Variants in NFE2L3 observed in about 807,000 individuals in gnomAD.
NFE2L3 encodes nuclear factor erythroid 2-related factor 3.
NFE2L3 carries 18 observed loss-of-function variants against 23.5 expected under a neutral mutation model. The ratio of observed to expected loss-of-function variants is 0.77; its 90% confidence interval spans 0.53 to 1.13. The LOEUF is 1.13. NFE2L3 is among the 50% of genes most tolerant of loss of function. The pLI, the probability that NFE2L3 is intolerant of heterozygous loss-of-function variation, is 0.00. For synonymous variants in NFE2L3, 424 were observed against 354.5 expected, an observed-to-expected ratio of 1.20 and a Z score of -2.20; for missense variants, 1,152 against 877.2, an observed-to-expected ratio of 1.31 and a Z score of -3.96.
intron 1 of NFE2L3, among the ~76,000 whole-genome samples, chr7:26,167,185 G>T (rs531526083): frequency 1.7e-4 from 26 of 152,312 alleles, no homozygotes; most frequent in African/African-American, 6.0e-4. Context: ...GGGTGGCAAA[G>T]GTGAATGGCT....
chr7:26,170,678 C>CAGGGGGATTTCTTT (rs1435528322), intron 1 of NFE2L3, among the ~76,000 whole-genome samples: 1 of 152,162 alleles, frequency 6.6e-6, no homozygotes, highest in Non-Finnish European at 1.5e-5. Flanking sequence ...TTCAAATATT[C>CAGGGGGATTTCTTT]CAAGTATCAG....
chr7:26,165,715 T>G (rs1784238939), intron 1 of NFE2L3, among the ~76,000 whole-genome samples: 1 of 152,208 alleles, frequency 6.6e-6, no homozygotes, highest in Non-Finnish European at 1.5e-5. Flanking sequence ...AGGGCATCCC[T>G]GTCTTGTGCC....
At chr7:26,176,836 T>C (rs28645125) in intron 1 of NFE2L3, among the ~76,000 whole-genome samples, 1 of 54,370 alleles carries the variant, frequency 1.8e-5, no homozygotes, top group Non-Finnish European at 2.9e-5. Flanking sequence ...CGCTCCTCAC[T>C]TCCCAGACGA....
At chr7:26,182,695 C>CT (rs1782342874) in intron 2 of NFE2L3, among the ~76,000 whole-genome samples, 1 of 151,744 alleles carries the variant, frequency 6.6e-6, no homozygotes, top group Non-Finnish European at 1.5e-5. Context: ...CTGAAGAGTT[C>CT]TTTCAACTAG....
chr7:26,184,171 C>T (rs920491647), intron 3 of NFE2L3: 2 of 335,866 alleles, frequency 6.0e-6, no homozygotes, highest in Non-Finnish European at 1.1e-5. Flanking sequence ...CTCCAGACTA[C>T]TTCACTGTAG....
At chr7:26,161,364 T>TG (rs777634085) in intron 1 of NFE2L3, among the ~76,000 whole-genome samples, 4 of 45,014 alleles carry the variant, frequency 8.9e-5, no homozygotes, top group Non-Finnish European at 1.7e-4. Flanking sequence ...TTTTTTTTTT[T>TG]GGGTCTTACC....
chr7:26,180,830 A>G (rs1269080087), intron 2 of NFE2L3, among the ~76,000 whole-genome samples: 1 of 152,234 alleles, frequency 6.6e-6, no homozygotes, highest in African/African-American at 2.4e-5. Flanking sequence ...ATCAATTTGG[A>G]CAAAACTTTT....
chr7:26,185,449 G>C lies in NFE2L3; in HGVS notation c.1751G>C (p.Arg584Pro). Reference protein sequence around the residue: ...LQVSLIRDIRRRGKNKVAAQN... With the variant: ...LQVSLIRDIRPRGKNKVAAQN... ...GTCTCACTTATCCGTGACATCAGAC[G>C]AAGAGGGAAAAATAAAGTTGCTGCG... Residue 584 changes from arginine to proline, a missense_variant, in exon 4 of 4, where the codon CGA becomes CCA. Arg to Pro is a moderately radical substitution (Grantham distance 103). Transcript: ENST00000056233. 1 of 1,614,066 alleles carries C rather than the reference G, an allele frequency of 6.2e-7. No individual in the cohort carries two copies. The highest frequency in any genetic ancestry group is 8.5e-7 in the Non-Finnish European group (1 of 1,179,934).
At chr7:26,175,640 G>T (rs1318027297) in intron 1 of NFE2L3, among the ~76,000 whole-genome samples, 2 of 151,938 alleles carry the variant, frequency 1.3e-5, no homozygotes, top group Non-Finnish European at 2.9e-5. Context: ...TTAGCCGGGT[G>T]TGGTGCCGGG....
At chr7:26,158,676 A>G (rs1012605235) in intron 1 of NFE2L3, among the ~76,000 whole-genome samples, 1 of 152,176 alleles carries the variant, frequency 6.6e-6, no homozygotes, top group African/African-American at 2.4e-5. Flanking sequence ...AGTCTCTTGT[A>G]TCATTCTCCT....
At position 26,168,145 on chromosome 7, in the gene NFE2L3, C is replaced by CT. The variant is rs1287195135; in HGVS notation, c.571-9789dup. ...TTGTGTCATTCTTGTCTTTTTTTTT[C>CT]TTTTTTTTTGAGACAGAGTCATACT... On this transcript the variant is annotated intron_variant, in intron 1 of 3. Coordinates refer to ENST00000056233, the MANE Select transcript of NFE2L3 (RefSeq NM_004289.7). 1.6e-3 allele frequency among the ~76,000 whole-genome samples: 236 copies of CT among 144,610 alleles called. 1 individual carries two copies. Among genetic ancestry groups the CT allele is most frequent in the African/African-American group, 5.2e-3 (207 of 39,546 alleles). 94.9% of individuals were successfully genotyped at this position (144,610 alleles called of 152,430 possible). A position where few individuals can be genotyped will look rare whatever the true frequency, so the allele number is the denominator to read the frequency against.
intron 1 of NFE2L3, among the ~76,000 whole-genome samples, chr7:26,161,361 TTTTGG>T (rs1784169531): frequency 5.6e-4 from 56 of 100,152 alleles, no homozygotes; most frequent in African/African-American, 1.8e-3. Context: ...TTTTTTTTTT[TTTTGG>T]GTCTTACCTT....
At chr7:26,171,415 G>C (rs1215605514) in intron 1 of NFE2L3, among the ~76,000 whole-genome samples, 2 of 151,936 alleles carry the variant, frequency 1.3e-5, no homozygotes, top group Non-Finnish European at 2.9e-5. Flanking sequence ...GTGGTGGCAG[G>C]CACCTGTAAT....
intron 1 of NFE2L3, among the ~76,000 whole-genome samples, chr7:26,154,137 C>T (rs994930699): frequency 1.3e-5 from 2 of 152,084 alleles, no homozygotes; most frequent in African/African-American, 2.4e-5. Flanking sequence ...TGGAAGTGCT[C>T]GGTGATTCAC....
intron 1 of NFE2L3, among the ~76,000 whole-genome samples, chr7:26,175,488 AT>A (rs1181813252): frequency 1.3e-5 from 2 of 152,090 alleles, no homozygotes; most frequent in Non-Finnish European, 1.5e-5. Context: ...GTTTATAATA[AT>A]AGTTTCCGCC....
intron 2 of NFE2L3, among the ~76,000 whole-genome samples, chr7:26,181,497 C>T (rs993039292): frequency 6.6e-6 from 1 of 152,018 alleles, no homozygotes; most frequent in African/African-American, 2.4e-5. Context: ...AGTGGGGGCC[C>T]CAAAGCTAGA....
chr7:26,175,535 T>A (rs1031798690), intron 1 of NFE2L3, among the ~76,000 whole-genome samples: 22 of 152,156 alleles, frequency 1.4e-4, no homozygotes, highest in African/African-American at 5.3e-4. Flanking sequence ...CCCAGCACTT[T>A]GGGAGGCCGA....
chr7:26,172,712 T>C (rs1275833571), intron 1 of NFE2L3, among the ~76,000 whole-genome samples: 1 of 152,220 alleles, frequency 6.6e-6, no homozygotes, highest in Non-Finnish European at 1.5e-5. Context: ...ATTGAGATTA[T>C]GAATTTTTGG....
chr7:26,179,784 G>A (rs1784474488), intron 2 of NFE2L3, among the ~76,000 whole-genome samples: 1 of 152,160 alleles, frequency 6.6e-6, no homozygotes. Flanking sequence ...CTGCCCTGCT[G>A]ATTTCTCTGG....
Sources: gnomAD v4.1 joint callset for allele counts (sites outside exome capture counted in the v4.1 genomes callset) on GRCh38, gnomAD v4.1.1 for gene constraint, MANE v1.5 for transcripts, NCBI Gene and HGNC (gene_info 2026-07-23, HGNC 2026-07-21) for gene names.